HCN1: variants seen among roughly 807,000 people sequenced by gnomAD.
The protein encoded by HCN1 is potassium/sodium hyperpolarization-activated cyclic nucleotide-gated channel 1.
In HCN1, 13 loss-of-function variants were observed where a neutral mutation model predicts 78.9. The ratio of observed to expected loss-of-function variants is 0.16; its 90% CI spans 0.11 to 0.26. HCN1 has a LOEUF of 0.26. HCN1 is among the 10% of genes least tolerant of loss of function. The pLI, the probability that HCN1 is intolerant of heterozygous loss-of-function variation, is 1.00. For missense variants in HCN1, 810 were observed against 1,154.3 expected (o/e 0.70, Z 4.32); for synonymous variants, 552 against 455.5 (o/e 1.21, Z -2.70).
chr5:45,449,415 A>C (rs1039776987), intron 3 of HCN1, among the ~76,000 whole-genome samples: 1 of 152,156 alleles, frequency 6.6e-6, no homozygotes, highest in Non-Finnish European at 1.5e-5. Flanking sequence ...GTTTTTGTTG[A>C]AGTAGATTCT....
At chr5:45,267,005 C>G in intron 7 of HCN1, 84 bp downstream of exon 7, 1 of 1,152,792 alleles carries the variant, frequency 8.7e-7, no homozygotes, top group Non-Finnish European at 1.3e-6. Context: ...CACCACTCCC[C>G]ACTGCATTTG....
chr5:45,386,172 C>G (rs1747903726), intron 4 of HCN1, among the ~76,000 whole-genome samples: 1 of 147,410 alleles, frequency 6.8e-6, no homozygotes, highest in Non-Finnish European at 1.5e-5. Context: ...TTCTTGCTTG[C>G]TTATAGATTT....
chr5:45,376,349 TAGAGAG>T (rs374514550), intron 4 of HCN1, among the ~76,000 whole-genome samples: 22 of 109,484 alleles, frequency 2.0e-4, no homozygotes, highest in Non-Finnish European at 3.3e-4. Flanking sequence ...TATATATATA[TAGAGAG>T]AGAGAGAGAG....
At chr5:45,643,207 G>A (rs1048489795) in intron 2 of HCN1, 19 of 152,082 alleles carry the variant, frequency 1.2e-4, no homozygotes, top group African/African-American at 4.6e-4. Flanking sequence ...TTGGTGGTAA[G>A]GAGTATACTC....
At chr5:45,594,353 C>G (rs1373535232) in intron 2 of HCN1, among the ~76,000 whole-genome samples, 1 of 152,124 alleles carries the variant, frequency 6.6e-6, no homozygotes, top group Admixed American at 6.6e-5. Flanking sequence ...CTGAATCAAT[C>G]ACAGATAATA....
intron 4 of HCN1, among the ~76,000 whole-genome samples, chr5:45,373,507 A>G (rs986008117): frequency 5.7e-5 from 8 of 140,844 alleles, no homozygotes; most frequent in Admixed American, 7.8e-5. Context: ...CATTATATAC[A>G]TCATCTATAA....
intron 2 of HCN1, chr5:45,558,603 C>G (rs988579446): frequency 6.6e-6 from 1 of 152,104 alleles, no homozygotes; most frequent in East Asian, 1.9e-4. Flanking sequence ...CAGGCTTACT[C>G]TCTTTTTAGG....
chr5:45,514,800 C>T (rs760511920), intron 2 of HCN1, among the ~76,000 whole-genome samples: 12 of 151,906 alleles, frequency 7.9e-5, no homozygotes, highest in Admixed American at 2.0e-4. Context: ...ATTTAGTCTA[C>T]GAAACTCATG....
intron 2 of HCN1, among the ~76,000 whole-genome samples, chr5:45,516,250 CCT>C (rs900381010): frequency 1.3e-5 from 2 of 151,882 alleles, no homozygotes; most frequent in African/African-American, 4.8e-5. Flanking sequence ...CCCTTACCTC[CCT>C]GTTTAAACAT....
intron 2 of HCN1, among the ~76,000 whole-genome samples, chr5:45,605,266 T>A (rs1416774201): frequency 6.6e-6 from 1 of 152,006 alleles, no homozygotes; most frequent in Non-Finnish European, 1.5e-5. Context: ...TAATCATATC[T>A]CTTCAAAATT....
intron 4 of HCN1, among the ~76,000 whole-genome samples, chr5:45,359,562 A>C (rs1747071923): frequency 6.6e-6 from 1 of 151,958 alleles, no homozygotes; most frequent in Non-Finnish European, 1.5e-5. Flanking sequence ...AACAAAAGTT[A>C]ATACTTTTTT....
At chr5:45,545,370 G>A (rs1743193464) in intron 2 of HCN1, among the ~76,000 whole-genome samples, 1 of 152,132 alleles carries the variant, frequency 6.6e-6, no homozygotes, top group African/African-American at 2.4e-5. Flanking sequence ...TGGGTAGATT[G>A]TAAAAATTTT....
At chr5:45,623,478 C>G (rs1339389779) in intron 2 of HCN1, among the ~76,000 whole-genome samples, 2 of 152,172 alleles carry the variant, frequency 1.3e-5, no homozygotes, top group Admixed American at 1.3e-4. Flanking sequence ...TCTCAAGAAA[C>G]TTTAATCTCA....
chr5:45,532,911 A>G (rs1439081329), intron 2 of HCN1, among the ~76,000 whole-genome samples: 1 of 152,242 alleles, frequency 6.6e-6, no homozygotes, highest in African/African-American at 2.4e-5. Context: ...GATACAAAAC[A>G]TTCCAAGGAA....
intron 1 of HCN1, among the ~76,000 whole-genome samples, chr5:45,689,900 T>C (rs1360187789): frequency 6.6e-6 from 1 of 152,112 alleles, no homozygotes; most frequent in African/African-American, 2.4e-5. Flanking sequence ...GTAAATATCA[T>C]AACAGGAATG....
chr5:45,285,457 G>T (rs755836263), intron 6 of HCN1, among the ~76,000 whole-genome samples: 2 of 151,872 alleles, frequency 1.3e-5, no homozygotes, highest in Admixed American at 1.3e-4. Flanking sequence ...GTATTCTTAG[G>T]TATTTCTGAG....
chr5:45,580,869 C>G (rs533218239), intron 2 of HCN1, among the ~76,000 whole-genome samples: 1 of 152,252 alleles, frequency 6.6e-6, no homozygotes, highest in Non-Finnish European at 1.5e-5. Context: ...GACATGAACT[C>G]ATCCTTTTTA....
chr5:45,261,848 T>G lies in HCN1; in HGVS notation c.*73A>C. 1 of 1,582,268 alleles carries G rather than the reference T, an allele frequency of 6.3e-7. No individual in the cohort carries two copies. The highest frequency in any genetic ancestry group is 8.7e-7 in the Non-Finnish European group (1 of 1,154,862). On this transcript the variant is annotated 3_prime_UTR_variant, in exon 8 of 8. Coordinates refer to ENST00000303230, the MANE Select transcript of HCN1 (RefSeq NM_021072.4). ...TAGGCTAGAGGGATCTATCAGGAGA[T>G]AGAATAAAATAAGATCTGAGTATAG...
chr5:45,373,280 T>C (rs1465796799), intron 4 of HCN1, among the ~76,000 whole-genome samples: 3 of 120,262 alleles, frequency 2.5e-5, no homozygotes, highest in South Asian at 2.3e-4. Flanking sequence ...ATATATTTTA[T>C]ATTATATATT....
Sources: gnomAD v4.1 joint callset for allele counts (sites outside exome capture counted in the v4.1 genomes callset) on GRCh38, gnomAD v4.1.1 for gene constraint, MANE v1.5 for transcripts, NCBI Gene and HGNC (gene_info 2026-07-23, HGNC 2026-07-21) for gene names.